Variants in OR51E2 observed in about 807,000 individuals in gnomAD.
OR51E2 encodes the protein olfactory receptor family 51 subfamily E member 2, also known as olfactory receptor 51E2.
OR51E2 carries 14 observed loss-of-function variants against 13.7 expected under a neutral mutation model. That is an observed-to-expected ratio of 1.02 (90% confidence interval 0.68 to 1.60). The LOEUF is 1.60. Among genes scored for constraint, OR51E2 ranks in the 40% most tolerant of loss-of-function variants. The pLI, the probability that OR51E2 is intolerant of heterozygous loss-of-function variation, is 0.00. For missense variants in OR51E2, 483 were observed against 413.8 expected, an observed-to-expected ratio of 1.17 and a Z score of -1.45; for synonymous variants, 180 against 157.6, an observed-to-expected ratio of 1.14 and a Z score of -1.07.
intron 1 of OR51E2, among the ~76,000 whole-genome samples, chr11:4,694,483 TAC>T (rs1847629896): frequency 7.0e-6 from 1 of 142,710 alleles, no homozygotes; most frequent in African/African-American, 2.6e-5. Flanking sequence ...TACATATATA[TAC>T]GTGTATATAT....
chr11:4,680,652 G>A lies in OR51E2; in HGVS notation c.*1097C>T, dbSNP rs777026925. 3.3e-5 allele frequency: 5 copies of A among 152,578 alleles called. No individual in the cohort carries two copies. The highest frequency in any genetic ancestry group is 7.3e-5 in the Non-Finnish European group (5 of 68,042). 9.5% of individuals were successfully genotyped at this position (152,578 alleles called of 1,614,324 possible). ...TCATTTCTCTCACTTATAATAAAGA[G>A]ACACAAATGGTACCTACTCCATAAA... On this transcript the variant is annotated 3_prime_UTR_variant, in exon 2 of 2. Coordinates refer to ENST00000396950, the MANE Select transcript of OR51E2 (RefSeq NM_030774.4).
chr11:4,696,648 C>T (rs1021524019), intron 1 of OR51E2, among the ~76,000 whole-genome samples: 2 of 152,194 alleles, frequency 1.3e-5, no homozygotes, highest in African/African-American at 4.8e-5. Flanking sequence ...TTTTGTGCTG[C>T]CTTCACTCTA....
intron 1 of OR51E2, chr11:4,691,755 T>C: frequency 2.9e-6 from 1 of 342,018 alleles, no homozygotes; most frequent in Non-Finnish European, 5.7e-6. Context: ...AAAAGCTACA[T>C]TCATTTGTGT....
Position 4,682,746 on chromosome 11 carries a change from A to G in OR51E2, c.-35T>C, listed in dbSNP as rs1022633922. The G allele has an allele frequency of 2.1e-5, 34 of 1,595,260 alleles. No homozygotes were observed. Among genetic ancestry groups the G allele is most frequent in the Non-Finnish European group, 2.7e-5 (32 of 1,170,182 alleles). On this transcript the variant is annotated 5_prime_UTR_variant, in exon 2 of 2. Transcript: ENST00000396950. ...TGAGGAGGGGTGACTGGAGAGGGTGAGGTCACACTGGCAGTCTGCAGGGAC... is the reference window on the plus strand; with the variant it reads ...TGAGGAGGGGTGACTGGAGAGGGTGGGGTCACACTGGCAGTCTGCAGGGAC...
chr11:4,682,348 A>G lies in OR51E2; in HGVS notation c.364T>C (p.Tyr122His), dbSNP rs746726697. ...CGCAGTGGGTGGCAGATGGCCACAT[A>G]ACGGTCAAAGGCCATGGCCAGCAGG... ...TILLAMAFDR[Y>H]VAICHPLRHA... is the part of the protein sequence containing the mutation. The change falls in exon 2 of 2, where the codon TAT becomes CAT. Residue 122 changes from tyrosine to histidine, a missense_variant. Physicochemically the swap from Tyr to His is moderately conservative, Grantham distance 83. Coordinates refer to ENST00000396950, the MANE Select transcript of OR51E2 (RefSeq NM_030774.4). 33 of 1,614,080 alleles carry G rather than the reference A, an allele frequency of 2.0e-5. No homozygotes were observed. Among genetic ancestry groups the G allele is most frequent in the Non-Finnish European group, 2.8e-5 (33 of 1,180,046 alleles).
In OR51E2 at chr11:4,682,416, T is replaced by C. The variant is rs1312633044; in HGVS notation, c.296A>G (p.Gln99Arg). The change falls in exon 2 of 2, where the codon CAG becomes CGG. Residue 99 changes from glutamine (Q) to arginine (R), a missense_variant. By Grantham distance (43) the Gln-to-Arg change is conservative. Coordinates refer to ENST00000396950, the MANE Select transcript of OR51E2 (RefSeq NM_030774.4). ...REISFEACLT[Q>R]MFFIHALSAI... is the part of the protein sequence containing the mutation. ...TGAGAGGGCATGAATAAAGAACATC[T>C]GGGTAAGACAGGCCTCAAAGCTAAT... 1 of 1,614,068 alleles carries C rather than the reference T, an allele frequency of 6.2e-7. No homozygotes were observed. The highest frequency in any genetic ancestry group is 1.1e-5 in the South Asian group (1 of 91,068).
chr11:4,693,831 A>C (rs896007101), intron 1 of OR51E2, among the ~76,000 whole-genome samples: 1 of 152,228 alleles, frequency 6.6e-6, no homozygotes, highest in Non-Finnish European at 1.5e-5. Context: ...TGGATCTTAC[A>C]TAGTGCTATT....
Position 4,697,329 on chromosome 11 carries a change from C to T in OR51E2, c.-51+324G>A, listed in dbSNP as rs115976977. ...TAATACCAGTAGCTGGCAGGCAATG[C>T]GTTCGAAATTGGTAACTTTTCATTT... On this transcript the variant is annotated intron_variant, in intron 1 of 1. Coordinates refer to ENST00000396950, the MANE Select transcript of OR51E2 (RefSeq NM_030774.4). Among the ~76,000 whole-genome samples, 991 of 152,276 alleles carry T rather than the reference C, an allele frequency of 6.5e-3. 12 individuals are homozygous for T. Among genetic ancestry groups the T allele is most frequent in the African/African-American group, 0.023 (941 of 41,536 alleles).
chr11:4,685,448 C>T (rs921211504), intron 1 of OR51E2, among the ~76,000 whole-genome samples: 2 of 152,232 alleles, frequency 1.3e-5, no homozygotes, highest in Admixed American at 6.5e-5. Context: ...TGTGACTAGG[C>T]ATGGTCCTTG....
At chr11:4,690,719 C>T in intron 1 of OR51E2, 3 of 339,594 alleles carry the variant, frequency 8.8e-6, no homozygotes, top group Non-Finnish European at 1.2e-5. Context: ...TGAAGTATAC[C>T]ATCTTGAGGG....
At chr11:4,682,850 G>A (rs1683564093) in intron 1 of OR51E2, 89 bp from the exon 2 acceptor site, 4 of 889,700 alleles carry the variant, frequency 4.5e-6, no homozygotes, top group Non-Finnish European at 6.7e-6. Context: ...CCCCACTTAG[G>A]GTCTTTCATA....
At position 4,682,446 on chromosome 11, in the gene OR51E2, C is replaced by T. The variant is rs142294574; in HGVS notation, c.266G>A (p.Arg89Gln). The T allele has an allele frequency of 3.8e-4, 612 of 1,614,118 alleles. 3 individuals carry two copies. The African/African-American group carries it at 6.8e-3, about 18-fold the overall frequency. ...KILALFWFDS[R>Q]EISFEACLTQ... ...AAGACAGGCCTCAAAGCTAATCTCT[C>T]GGGAATCAAACCAGAAAAGGGCAAG... is the stretch of plus-strand genomic sequence containing the variant. The change falls in exon 2 of 2, where the codon CGA becomes CAA. Residue 89 changes from arginine (R) to glutamine (Q), a missense_variant. Coordinates refer to ENST00000396950, the MANE Select transcript of OR51E2 (RefSeq NM_030774.4).
chr11:4,687,100 CAAAT>C (rs1372179004), intron 1 of OR51E2, among the ~76,000 whole-genome samples: 2 of 152,052 alleles, frequency 1.3e-5, no homozygotes, highest in African/African-American at 4.8e-5. Flanking sequence ...TGTACAGAAA[CAAAT>C]AAACAAAAAA....
chr11:4,681,837 C>T lies in OR51E2; in HGVS notation c.875G>A (p.Gly292Asp), dbSNP rs1564884880. 1.2e-6 allele frequency: 2 copies of T among 1,614,130 alleles called. No homozygotes were observed. Among genetic ancestry groups the T allele is most frequent in the East Asian group, 4.5e-5 (2 of 44,868 alleles). The change falls in exon 2 of 2, where the codon GGT becomes GAT. Residue 292 changes from glycine to aspartate, a missense_variant. Coordinates refer to ENST00000396950, the MANE Select transcript of OR51E2 (RefSeq NM_030774.4). Reference protein sequence around the residue: ...LPPVINPIIYGAKTKQIRTRV... With the variant: ...LPPVINPIIYDAKTKQIRTRV... ...TGTTCTGATCTGTTTGGTTTTGGCACCATAGATGATGGGATTGATGACAGG... is the reference window on the plus strand; with the variant it reads ...TGTTCTGATCTGTTTGGTTTTGGCATCATAGATGATGGGATTGATGACAGG...
chr11:4,697,465 G>A (rs1295147943), intron 1 of OR51E2, among the ~76,000 whole-genome samples, 188 bp downstream of exon 1: 1 of 152,192 alleles, frequency 6.6e-6, no homozygotes, highest in Non-Finnish European at 1.5e-5. Context: ...ATATCAGGCA[G>A]AACGAAATAC....
rs745841455 is a variant in OR51E2 at position 4,682,116 on chromosome 11, A to G, written c.596T>C (p.Leu199Pro). 1.2e-6 allele frequency: 2 copies of G among 1,614,236 alleles called. No individual in the cohort carries two copies. Among genetic ancestry groups the G allele is most frequent in the South Asian group, 2.2e-5 (2 of 91,086 alleles). Reference sequence around the variant, plus strand: ...GCCCATGACCAGCAGAATGGCAGTAAGACCATATACCACATTGGGCAAAGT... The same window carrying G: ...GCCCATGACCAGCAGAATGGCAGTAGGACCATATACCACATTGGGCAAAGT... ...ADTLPNVVYG[L>P]TAILLVMGVD... is the part of the protein sequence containing the mutation. Residue 199 changes from leucine to proline, a missense_variant, in exon 2 of 2, where the codon CTT becomes CCT. Physicochemically the swap from Leu to Pro is moderately conservative, Grantham distance 98 (BLOSUM62 -3). Coordinates refer to ENST00000396950, the MANE Select transcript of OR51E2 (RefSeq NM_030774.4).
chr11:4,682,626 G>A lies in OR51E2; in HGVS notation c.86C>T (p.Pro29Leu), dbSNP rs200650480. 3.1e-6 allele frequency: 5 copies of A among 1,614,212 alleles called. No individual in the cohort carries two copies. The East Asian group carries it at 8.9e-5, about 29-fold the overall frequency. Residue 29 changes from proline (P) to leucine (L), a missense_variant, in exon 2 of 2, where the codon CCC becomes CTC. By Grantham distance (98) the Pro-to-Leu change is moderately conservative. Coordinates refer to ENST00000396950, the MANE Select transcript of OR51E2 (RefSeq NM_030774.4). ...TGCCACTACATACATGGAAAGGAGG[G>A]GGAAGCCAACCCAGAAATGGGCTTT... ...LEKAHFWVGF[P>L]LLSMYVVAMF...
At chr11:4,694,254 C>T (rs1162231493) in intron 1 of OR51E2, among the ~76,000 whole-genome samples, 6 of 151,806 alleles carry the variant, frequency 4.0e-5, no homozygotes, top group African/African-American at 1.2e-4. Context: ...CAAAAGAAAA[C>T]CATAGTGTAT....
Position 4,682,236 on chromosome 11 carries a change from G to T in OR51E2, c.476C>A (p.Pro159His), listed in dbSNP as rs1308567893. Residue 159 changes from proline to histidine, a missense_variant, in exon 2 of 2, where the codon CCT (proline) becomes CAT (histidine). Coordinates refer to ENST00000396950, the MANE Select transcript of OR51E2 (RefSeq NM_030774.4). Reference sequence around the variant, plus strand: ...GAAGGCCAGCCGCTTGATCAGCAGAGGCAGTGGGAAAAAAAAGAGGGATCC... The same window carrying T: ...GAAGGCCAGCCGCTTGATCAGCAGATGCAGTGGGAAAAAAAAGAGGGATCC... Reference protein sequence around the residue: ...VRGSLFFFPLPLLIKRLAFCH... With the variant: ...VRGSLFFFPLHLLIKRLAFCH... 1.9e-6 allele frequency: 3 copies of T among 1,614,018 alleles called. No homozygotes were observed. The highest frequency in any genetic ancestry group is 4.5e-5 in the East Asian group (2 of 44,882).
Sources: allele counts gnomAD v4.1 joint callset (sites outside exome capture counted in the v4.1 genomes callset), GRCh38; gene constraint gnomAD v4.1.1; transcripts MANE v1.5; gene names NCBI Gene and HGNC (gene_info 2026-07-23, HGNC 2026-07-21).